The following STAT5B variants were observed in gnomAD, a reference collection of about 807,000 sequenced individuals.
STAT5B encodes transcription factor STAT5B.
STAT5B carries 21 observed loss-of-function variants against 107.8 expected under a neutral mutation model. The ratio of observed to expected loss-of-function variants is 0.19; its 90% CI spans 0.14 to 0.28. The LOEUF is 0.28. Among genes scored for constraint, STAT5B ranks in the 10% least tolerant of loss-of-function variants. STAT5B has a pLI of 1.00. For synonymous variants in STAT5B, 325 were observed against 401.7 expected (o/e 0.81, Z 2.28); for missense variants, 565 against 1,008.2 (o/e 0.56, Z 5.95).
At chr17:42,236,915 G>A (rs898977810) in intron 1 of STAT5B, among the ~76,000 whole-genome samples, 2 of 152,048 alleles carry the variant, frequency 1.3e-5, no homozygotes, top group African/African-American at 2.4e-5. Context: ...CCCAGTACCC[G>A]CCATCTTCTG....
At chr17:42,258,605 G>A (rs907987044) in intron 1 of STAT5B, among the ~76,000 whole-genome samples, 8 of 152,204 alleles carry the variant, frequency 5.3e-5, no homozygotes, top group African/African-American at 1.9e-4. Context: ...CTTGAACCTG[G>A]GAGACGGAGG....
chr17:42,219,918 G>C (rs1052637256), intron 5 of STAT5B, 76 bp from the exon 6 acceptor site: 45 of 1,604,926 alleles, frequency 2.8e-5, no homozygotes, highest in Non-Finnish European at 3.8e-5. Context: ...CCACTCACCC[G>C]TTCTGGAGCG....
At chr17:42,280,100 C>T (rs1320617283), upstream of STAT5B, among the ~76,000 whole-genome samples, 3 of 152,062 alleles carry the variant, frequency 2.0e-5, no homozygotes, top group African/African-American at 4.8e-5. Context: ...AGACTTAAGA[C>T]ATGACAGAAA....
At chr17:42,263,830 ATC>A (rs903588207) in intron 1 of STAT5B, among the ~76,000 whole-genome samples, 2 of 150,150 alleles carry the variant, frequency 1.3e-5, no homozygotes, top group African/African-American at 4.9e-5. Context: ...CCCAGCCATA[ATC>A]TGTTTATTAT....
chr17:42,244,888 T>C (rs1470896389), intron 1 of STAT5B, among the ~76,000 whole-genome samples: 1 of 152,236 alleles, frequency 6.6e-6, no homozygotes, highest in East Asian at 1.9e-4. Flanking sequence ...TAGACGCATT[T>C]TTAAATTTTT....
chr17:42,285,631 C>T, the STAT5B span, among the ~76,000 whole-genome samples: 1 of 152,190 alleles, frequency 6.6e-6, no homozygotes, highest in Non-Finnish European at 1.5e-5. Flanking sequence ...ATCACCCACA[C>T]AAGGGGACAA....
chr17:42,267,414 G>A (rs1319077147), intron 1 of STAT5B, among the ~76,000 whole-genome samples: 1 of 152,212 alleles, frequency 6.6e-6, no homozygotes, highest in Non-Finnish European at 1.5e-5. Context: ...ATGTGGAGGT[G>A]CAAGACAGTG....
chr17:42,215,941 A>C (rs2080168075), intron 12 of STAT5B, 73 bp downstream of exon 12: 1 of 1,521,354 alleles, frequency 6.6e-7, no homozygotes, highest in South Asian at 1.2e-5. Context: ...GCTTTTTAAA[A>C]GGATAATACA....
Position 42,224,133 on chromosome 17 carries a change from C to T in STAT5B, c.376-577G>A, listed in dbSNP as rs118130371. On this transcript the variant is annotated intron_variant, in intron 4 of 18. Transcript: ENST00000293328. ...TAAACAAGGTCTCTGTGGACCCAGC[C>T]CTGTAAGTGACCTGATCAGACCACT... Among the ~76,000 whole-genome samples the T allele has an allele frequency of 6.7e-4, 102 of 152,170 alleles. No individual in the cohort carries two copies. The East Asian group carries it at 0.012, about 18-fold the overall frequency.
chr17:42,274,311 C>G (rs909085808), intron 1 of STAT5B, among the ~76,000 whole-genome samples: 7 of 140,294 alleles, frequency 5.0e-5, no homozygotes, highest in African/African-American at 1.8e-4. Context: ...AAAAAAACCT[C>G]TCCATTCCTT....
chr17:42,240,723 A>T (rs2080394823), intron 1 of STAT5B, among the ~76,000 whole-genome samples: 1 of 152,216 alleles, frequency 6.6e-6, no homozygotes, highest in African/African-American at 2.4e-5. Flanking sequence ...GGCTGGACCT[A>T]CCTGAGAACC....
At chr17:42,258,710 A>G (rs1287245959) in intron 1 of STAT5B, among the ~76,000 whole-genome samples, 1 of 152,200 alleles carries the variant, frequency 6.6e-6, no homozygotes, top group Non-Finnish European at 1.5e-5. Flanking sequence ...CCATTAAGAT[A>G]AACTAAGTAG....
chr17:42,281,171 G>T (rs1016518713), upstream of STAT5B, among the ~76,000 whole-genome samples: 1 of 151,740 alleles, frequency 6.6e-6, no homozygotes, highest in Non-Finnish European at 1.5e-5. Context: ...AAAAAAACTA[G>T]CTGTGTGACT....
At chr17:42,240,087 T>A (rs1190057710) in intron 1 of STAT5B, among the ~76,000 whole-genome samples, 2 of 152,198 alleles carry the variant, frequency 1.3e-5, no homozygotes, top group Non-Finnish European at 2.9e-5. Context: ...TGAGCCGAGA[T>A]CTGTGCCACT....
intron 1 of STAT5B, among the ~76,000 whole-genome samples, chr17:42,256,311 G>A (rs994122565): frequency 1.3e-5 from 2 of 151,948 alleles, no homozygotes; most frequent in Non-Finnish European, 1.5e-5. Context: ...TAACTCATGG[G>A]CTCAAGTGAC....
At chr17:42,212,303 A>G (rs1043949135) in intron 12 of STAT5B, 113 bp from the exon 13 acceptor site, 1 of 1,535,148 alleles carries the variant, frequency 6.5e-7, no homozygotes, top group Admixed American at 1.9e-5. Flanking sequence ...TTTGTCTTGC[A>G]GGGCCTGAGG....
At chr17:42,263,977 T>C (rs2080644022) in intron 1 of STAT5B, among the ~76,000 whole-genome samples, 1 of 152,084 alleles carries the variant, frequency 6.6e-6, no homozygotes, top group Non-Finnish European at 1.5e-5. Context: ...CACAATTGTA[T>C]ATGATTGTTT....
intron 1 of STAT5B, among the ~76,000 whole-genome samples, chr17:42,251,393 G>A (rs781570755): frequency 6.6e-6 from 1 of 152,138 alleles, no homozygotes; most frequent in Non-Finnish European, 1.5e-5. Flanking sequence ...AATTCCTTAA[G>A]GGGCTTCCAT....
At chr17:42,205,188 C>T (rs561453002) in intron 16 of STAT5B, among the ~76,000 whole-genome samples, 4 of 151,928 alleles carry the variant, frequency 2.6e-5, no homozygotes, top group Admixed American at 6.6e-5. Flanking sequence ...CCACCATGCC[C>T]GGCTAATTTT....
Sources: allele counts gnomAD v4.1 joint callset (sites outside exome capture counted in the v4.1 genomes callset), GRCh38; gene constraint gnomAD v4.1.1; transcripts MANE v1.5; gene names NCBI Gene and HGNC (gene_info 2026-07-23, HGNC 2026-07-21).